The following UBE2B variants were observed in gnomAD, a reference collection of about 807,000 sequenced individuals.
UBE2B encodes ubiquitin-conjugating enzyme E2 B.
A neutral mutation model predicts 24.6 loss-of-function variants in UBE2B; 11 were observed. The observed-to-expected ratio is 0.45, with a 90% confidence interval of 0.28 to 0.74. The LOEUF (loss-of-function observed/expected upper bound fraction) is 0.74. Among genes scored for constraint, UBE2B ranks in the 30% least tolerant of loss-of-function variants. The probability of loss-of-function intolerance (pLI) is 0.13; values close to 1 mark genes in which losing one functional copy is unlikely to be tolerated. For missense variants in UBE2B, 78 were observed against 185.6 expected, an observed-to-expected ratio of 0.42 and a Z score of 3.37; for synonymous variants, 68 against 62.4, an observed-to-expected ratio of 1.09 and a Z score of -0.42.
intron 3 of UBE2B, among the ~76,000 whole-genome samples, chr5:134,378,327 T>G (rs1758645638): frequency 6.6e-6 from 1 of 152,166 alleles, no homozygotes; most frequent in African/African-American, 2.4e-5. Context: ...AGGCGCAATC[T>G]TGGCTCACTG....
chr5:134,373,853 A>G (rs898543447), intron 1 of UBE2B, among the ~76,000 whole-genome samples: 6 of 152,160 alleles, frequency 3.9e-5, no homozygotes, highest in African/African-American at 1.4e-4. Context: ...CATGGTGTAT[A>G]TGTGCCACAT....
intron 4 of UBE2B, among the ~76,000 whole-genome samples, chr5:134,382,468 G>T (rs979618976): frequency 6.6e-6 from 1 of 151,842 alleles, no homozygotes; most frequent in Non-Finnish European, 1.5e-5. Flanking sequence ...GTACAATTTT[G>T]CATATACAAA....
At chr5:134,388,885 GAAATAAT>G (rs1049987722) in intron 5 of UBE2B, 1 of 328,732 alleles carries the variant, frequency 3.0e-6, no homozygotes, top group African/African-American at 2.3e-5. Flanking sequence ...GAGAGGAGCA[GAAATAAT>G]ATGTTGGTTT....
At chr5:134,379,643 C>CAA (rs374868073) in intron 3 of UBE2B, among the ~76,000 whole-genome samples, 1,189 of 92,064 alleles carry the variant, frequency 0.013, 37 homozygotes, top group African/African-American at 0.039. Flanking sequence ...GACTCTGTCT[C>CAA]AACAAAAAAA....
In UBE2B at chr5:134,374,664, T is replaced by C. The variant is rs1473584040; in HGVS notation, c.125+201T>C. 9 of 568,676 alleles carry C rather than the reference T, an allele frequency of 1.6e-5. No homozygotes were observed. In the East Asian group the frequency reaches 3.0e-4, roughly 19 times the overall value. 35.2% of individuals were successfully genotyped at this position (568,676 alleles called of 1,614,324 possible). A position where few individuals can be genotyped will look rare whatever the true frequency, so the allele number is the denominator to read the frequency against. On this transcript the variant is annotated intron_variant, in intron 2 of 5. Transcript: ENST00000265339. ...GTAGCTCAACGCCTGGGAGGATCGC[T>C]GGAGCCCAGGAGTTCACCAGCCTGG...
chr5:134,376,322 CAAAAAAAAAAA>C (rs1176500916), intron 2 of UBE2B, among the ~76,000 whole-genome samples: 5 of 7,460 alleles, frequency 6.7e-4, no homozygotes, highest in African/African-American at 1.3e-3. Context: ...AACTCCGTCT[CAAAAAAAAAAA>C]AAAAAAAAAA....
chr5:134,371,717 C>G (rs978541604), intron 1 of UBE2B, 78 bp downstream of exon 1: 1 of 1,591,526 alleles, frequency 6.3e-7, no homozygotes, highest in Non-Finnish European at 8.6e-7. Flanking sequence ...AGACACCTTC[C>G]CCTTTGTGAC....
intron 4 of UBE2B, 134 bp from the exon 5 acceptor site, chr5:134,388,191 A>G: frequency 1.4e-6 from 1 of 713,722 alleles, no homozygotes; most frequent in African/African-American, 1.8e-5. Context: ...AAGACAGGTT[A>G]TCCTGTGATA....
In UBE2B at chr5:134,371,636, A is replaced by G. The variant is rs1758425218; in HGVS notation, c.41A>G (p.Lys14Arg). ...PARRRLMRDF[K>R]RLQEDPPVGV... ...CGGAGGAGGCTCATGCGGGATTTCA[A>G]GCGGTAAGGGCCTTCACCTTCGCCT... The change falls in exon 1 of 6, where the codon AAG becomes AGG. Residue 14 changes from lysine to arginine, a missense_variant. Lys to Arg is a conservative substitution (Grantham distance 26). This residue lies in a region of UBE2B where 57 missense variants were observed against 167.7 expected (regional missense o/e 0.34). Coordinates refer to ENST00000265339, the MANE Select transcript of UBE2B (RefSeq NM_003337.4). 6.2e-7 allele frequency: 1 copy of G among 1,613,048 alleles called. No individual in the cohort carries two copies. Among genetic ancestry groups the G allele is most frequent in the Non-Finnish European group, 8.5e-7 (1 of 1,179,842 alleles).
chr5:134,374,878 G>C lies in UBE2B; in HGVS notation c.125+415G>C, dbSNP rs140259736. 1.4e-3 allele frequency among the ~76,000 whole-genome samples: 210 copies of C among 152,182 alleles called. 1 individual carries two copies. Among genetic ancestry groups the C allele is most frequent in the African/African-American group, 4.2e-3 (175 of 41,518 alleles). ...GATCACTTGAGCCCAGAAGTTTGAG[G>C]CTGCAGTGTGCCATGATTGTGCCAC... On this transcript the variant is annotated intron_variant, in intron 2 of 5. Coordinates refer to ENST00000265339, the MANE Select transcript of UBE2B (RefSeq NM_003337.4).
At chr5:134,389,948 T>G in intron 5 of UBE2B, 1 of 398,738 alleles carries the variant, frequency 2.5e-6, no homozygotes, top group Admixed American at 3.6e-5. Context: ...CCCAAAGTGT[T>G]AGGATTACAG....
rs1758902411 is a variant in UBE2B at position 134,391,815 on chromosome 5, A to C, written c.*1462A>C. The C allele has an allele frequency of 6.6e-6, 1 of 152,138 alleles. No homozygotes were observed. Among genetic ancestry groups the C allele is most frequent in the Non-Finnish European group, 1.5e-5 (1 of 68,016 alleles). 9.4% of individuals were successfully genotyped at this position (152,138 alleles called of 1,614,324 possible). On this transcript the variant is annotated 3_prime_UTR_variant, in exon 6 of 6. Coordinates refer to ENST00000265339, the MANE Select transcript of UBE2B (RefSeq NM_003337.4). ...TTTCTCTACTTTAAATTTTTTAAAAAATTAGTTGGGCATAGTGGCACTTGC... is the reference window on the plus strand; with the variant it reads ...TTTCTCTACTTTAAATTTTTTAAAACATTAGTTGGGCATAGTGGCACTTGC...
At position 134,388,502 on chromosome 5, in the gene UBE2B, T is replaced by C. The variant is rs34932225; in HGVS notation, c.330+89T>C. 6.9e-4 allele frequency: 827 copies of C among 1,193,000 alleles called. 1 individual carries two copies. In the African/African-American group the frequency reaches 0.011, roughly 16 times the overall value. 73.9% of individuals were successfully genotyped at this position (1,193,000 alleles called of 1,614,324 possible). A position where few individuals can be genotyped will look rare whatever the true frequency, so the allele number is the denominator to read the frequency against. On this transcript the variant is annotated intron_variant, in intron 5 of 5. Coordinates refer to ENST00000265339, the MANE Select transcript of UBE2B (RefSeq NM_003337.4). The stretch of plus-strand genomic sequence containing the variant: ...GCACACAGGTAACCAATGGCAGAGC[T>C]TGGACAAGAATCCATGCTTTTCAGC...
chr5:134,372,672 T>TA (rs1216971025), intron 1 of UBE2B, among the ~76,000 whole-genome samples: 1 of 152,208 alleles, frequency 6.6e-6, no homozygotes, highest in Non-Finnish European at 1.5e-5. Context: ...AATTCATTCG[T>TA]AGCTTCTCTT....
In UBE2B at chr5:134,391,181, A is replaced by G. The variant is rs1049054094; in HGVS notation, c.*828A>G. The G allele has an allele frequency of 2.6e-5, 4 of 152,630 alleles. No individual in the cohort carries two copies. Among genetic ancestry groups the G allele is most frequent in the Non-Finnish European group, 4.4e-5 (3 of 68,048 alleles). The allele number at this position is 152,630 out of a possible 1,614,324, so 9.5% of individuals were successfully genotyped here. Reference sequence around the variant, plus strand: ...TTTGATTAATGAAGAAAGTAAAACCATAAACATTTGCCAAAAATTCATGCC... The same window carrying G: ...TTTGATTAATGAAGAAAGTAAAACCGTAAACATTTGCCAAAAATTCATGCC... On this transcript the variant is annotated 3_prime_UTR_variant, in exon 6 of 6. Coordinates refer to ENST00000265339, the MANE Select transcript of UBE2B (RefSeq NM_003337.4).
chr5:134,388,549 G>A, intron 5 of UBE2B, 136 bp downstream of exon 5: 1 of 761,690 alleles, frequency 1.3e-6, no homozygotes, highest in Non-Finnish European at 2.3e-6. Flanking sequence ...TTTCAGTAGT[G>A]CCTACTTGGG....
chr5:134,377,872 A>G (rs565642328), intron 3 of UBE2B, among the ~76,000 whole-genome samples: 2 of 152,334 alleles, frequency 1.3e-5, no homozygotes, highest in South Asian at 4.1e-4. Flanking sequence ...AAACCATACT[A>G]ATAGTGATTA....
intron 4 of UBE2B, among the ~76,000 whole-genome samples, chr5:134,381,459 C>T (rs1021935771): frequency 3.3e-5 from 5 of 152,000 alleles, no homozygotes; most frequent in African/African-American, 7.2e-5. Flanking sequence ...TTTGTAGACA[C>T]AAAGTCTCTG....
Position 134,390,109 on chromosome 5 carries a change from A to C in UBE2B, c.331-116A>C. The C allele has an allele frequency of 7.9e-7, 1 of 1,258,022 alleles. No homozygotes were observed. Among genetic ancestry groups the C allele is most frequent in the Non-Finnish European group, 1.1e-6 (1 of 884,262 alleles). The allele number at this position is 1,258,022 out of a possible 1,614,324, so 77.9% of individuals were successfully genotyped here. A position where few individuals can be genotyped will look rare whatever the true frequency, so the allele number is the denominator to read the frequency against. Reference sequence around the variant, plus strand: ...TAGACCCAAAATTATATGACATGTTAATCTCTGAAGTAATTTGTTGTTTTG... The same window carrying C: ...TAGACCCAAAATTATATGACATGTTCATCTCTGAAGTAATTTGTTGTTTTG... On this transcript the variant is annotated intron_variant, in intron 5 of 5. Transcript: ENST00000265339. The surrounding 1 kb of genome is among the most constrained non-coding windows in gnomAD (Gnocchi z 4.6).
Sources: allele counts gnomAD v4.1 joint callset (sites outside exome capture counted in the v4.1 genomes callset), GRCh38; gene constraint gnomAD v4.1.1; regional missense constraint gnomAD v4.1.1; non-coding constraint Gnocchi (gnomAD v3.1); transcripts MANE v1.5; gene names NCBI Gene and HGNC (gene_info 2026-07-23, HGNC 2026-07-21).